DKK2: variants seen among roughly 807,000 people sequenced by gnomAD.
The protein encoded by DKK2 is dickkopf-related protein 2.
DKK2 carries 11 observed loss-of-function variants against 28.1 expected under a neutral mutation model. The ratio of observed to expected loss-of-function variants is 0.39; its 90% CI spans 0.25 to 0.65. DKK2 has a LOEUF of 0.65. DKK2 is among the 30% of genes least tolerant of loss of function. The pLI is 0.47. For missense variants in DKK2, 326 were observed against 335.5 expected (o/e 0.97, Z 0.22); for synonymous variants, 135 against 126.5 (o/e 1.07, Z -0.45).
chr4:107,003,558 C>T (rs1723393740), intron 1 of DKK2, among the ~76,000 whole-genome samples: 1 of 152,202 alleles, frequency 6.6e-6, no homozygotes. Flanking sequence ...TAGCACTGCC[C>T]TAACATTTTC....
At chr4:106,995,597 G>A (rs1306182695) in intron 1 of DKK2, among the ~76,000 whole-genome samples, 1 of 152,066 alleles carries the variant, frequency 6.6e-6, no homozygotes, top group Admixed American at 6.6e-5. Flanking sequence ...CTGAAGAACA[G>A]GACCTTATGT....
rs1161388112 is a variant in DKK2, at chr4:106,939,503, G to T, written c.223-13554C>A. Among the ~76,000 whole-genome samples the T allele has an allele frequency of 2.6e-5, 4 of 152,152 alleles. No individual in the cohort carries two copies. In the East Asian group the frequency reaches 7.7e-4, roughly 29 times the overall value. ...AACATTCCATGCTCATGGGTAGGAA[G>T]AATCAATATCATGAAAATGGCCATA... On this transcript the variant is annotated intron_variant, in intron 1 of 3. Coordinates refer to ENST00000285311, the MANE Select transcript of DKK2 (RefSeq NM_014421.3).
rs578022609 is a variant in DKK2 at position 106,996,953 on chromosome 4, C to T, written c.222+38417G>A. ...ATGTAACAAACCTGCTCATGTAACCCCCGAACCTAAAAGTAGAAAGAAAAA... is the reference window on the plus strand; with the variant it reads ...ATGTAACAAACCTGCTCATGTAACCTCCGAACCTAAAAGTAGAAAGAAAAA... On this transcript the variant is annotated intron_variant, in intron 1 of 3. Coordinates refer to ENST00000285311, the MANE Select transcript of DKK2 (RefSeq NM_014421.3). Among the ~76,000 whole-genome samples, 6 of 152,202 alleles carry T rather than the reference C, an allele frequency of 3.9e-5. No homozygotes were observed. In the South Asian group the frequency reaches 1.2e-3, roughly 32 times the overall value.
chr4:106,929,745 A>C (rs1724474685), intron 1 of DKK2, among the ~76,000 whole-genome samples: 1 of 152,242 alleles, frequency 6.6e-6, no homozygotes, highest in Non-Finnish European at 1.5e-5. Context: ...ATTTCGTTTT[A>C]GCATAAAATA....
intron 1 of DKK2, among the ~76,000 whole-genome samples, chr4:107,008,493 A>C (rs940546948): frequency 6.6e-6 from 1 of 152,062 alleles, no homozygotes; most frequent in African/African-American, 2.4e-5. Context: ...AAGATGAGTA[A>C]GAGATATCCA....
At chr4:106,970,010 CATT>C (rs1047085483) in intron 1 of DKK2, among the ~76,000 whole-genome samples, 1 of 152,058 alleles carries the variant, frequency 6.6e-6, no homozygotes, top group African/African-American at 2.4e-5. Context: ...CAACCACTGT[CATT>C]ATTTTTAACA....
At chr4:106,927,385 A>G (rs1204319187) in intron 1 of DKK2, among the ~76,000 whole-genome samples, 1 of 152,190 alleles carries the variant, frequency 6.6e-6, no homozygotes, top group Non-Finnish European at 1.5e-5. Flanking sequence ...GGAAATGTGA[A>G]GTTTATGTAC....
In DKK2 at chr4:106,986,559, A is replaced by G. The variant is rs375324733; in HGVS notation, c.222+48811T>C. Among the ~76,000 whole-genome samples, 18 of 152,328 alleles carry G rather than the reference A, an allele frequency of 1.2e-4. No individual in the cohort carries two copies. The South Asian group carries it at 3.5e-3, about 30-fold the overall frequency. ...CTACAAATTTTAATGCAGATTGGCA[A>G]TCATAGTGTGGAATAACAGTTTATT... is the stretch of plus-strand genomic sequence containing the variant. On this transcript the variant is annotated intron_variant, in intron 1 of 3. Transcript: ENST00000285311.
chr4:106,999,708 T>G (rs1723330179), intron 1 of DKK2, among the ~76,000 whole-genome samples: 1 of 152,208 alleles, frequency 6.6e-6, no homozygotes, highest in South Asian at 2.1e-4. Context: ...TCAATTCTTA[T>G]TTTTATTTTT....
At chr4:106,988,143 C>T (rs947433964) in intron 1 of DKK2, among the ~76,000 whole-genome samples, 23 of 152,210 alleles carry the variant, frequency 1.5e-4, no homozygotes, top group African/African-American at 5.1e-4. Context: ...GGATTACAGG[C>T]GTGAGCCACC....
intron 1 of DKK2, among the ~76,000 whole-genome samples, chr4:107,011,224 C>G (rs1345353711): frequency 6.6e-6 from 1 of 151,466 alleles, no homozygotes; most frequent in African/African-American, 2.4e-5. Context: ...TATTGATGAA[C>G]ATCATATAAT....
chr4:106,973,619 AG>A (rs1265642758), intron 1 of DKK2, among the ~76,000 whole-genome samples: 1 of 152,054 alleles, frequency 6.6e-6, no homozygotes, highest in African/African-American at 2.4e-5. Flanking sequence ...AGTTCCCTGT[AG>A]CTTCTGGAGA....
At chr4:107,003,632 T>C (rs904261391) in intron 1 of DKK2, among the ~76,000 whole-genome samples, 4 of 152,236 alleles carry the variant, frequency 2.6e-5, no homozygotes, top group Admixed American at 2.0e-4. Flanking sequence ...TTGTGCCCCA[T>C]TGGCTCCTCA....
intron 1 of DKK2, among the ~76,000 whole-genome samples, chr4:106,976,166 G>A (rs190235238): frequency 7.8e-4 from 119 of 152,176 alleles, no homozygotes; most frequent in Middle Eastern, 3.4e-3. Context: ...CCAATTATGC[G>A]GTTAAATTTG....
chr4:107,005,266 G>T (rs188542719), intron 1 of DKK2, among the ~76,000 whole-genome samples: 2 of 150,728 alleles, frequency 1.3e-5, no homozygotes, highest in East Asian at 3.9e-4. Flanking sequence ...GCGTGAACCC[G>T]GGAGGCGGAG....
chr4:106,999,774 C>T (rs767211123), intron 1 of DKK2, among the ~76,000 whole-genome samples: 5 of 152,124 alleles, frequency 3.3e-5, no homozygotes, highest in East Asian at 1.9e-4. Context: ...TAAAAATATA[C>T]ATCAAATTTT....
chr4:107,007,866 G>C (rs1267034817), intron 1 of DKK2, among the ~76,000 whole-genome samples: 1 of 152,108 alleles, frequency 6.6e-6, no homozygotes, highest in Non-Finnish European at 1.5e-5. Flanking sequence ...GATATTGCTA[G>C]AACTTCCAGT....
At chr4:106,956,783 TA>T (rs1374056399) in intron 1 of DKK2, among the ~76,000 whole-genome samples, 1 of 151,410 alleles carries the variant, frequency 6.6e-6, no homozygotes, top group African/African-American at 2.4e-5. Flanking sequence ...ACATTAGACC[TA>T]AAACCATAAA....
intron 1 of DKK2, among the ~76,000 whole-genome samples, chr4:106,971,549 T>C (rs1722868692): frequency 6.6e-6 from 1 of 152,062 alleles, no homozygotes; most frequent in African/African-American, 2.4e-5. Flanking sequence ...AGTGATGCTT[T>C]AAAGTCTTCT....
Sources: allele counts gnomAD v4.1 joint callset (sites outside exome capture counted in the v4.1 genomes callset), GRCh38; gene constraint gnomAD v4.1.1; transcripts MANE v1.5; gene names NCBI Gene and HGNC (gene_info 2026-07-23, HGNC 2026-07-21).